The following SLC60A2 variants were observed in gnomAD, a reference collection of about 807,000 sequenced individuals.
SLC60A2 encodes the protein solute carrier family 60 member 2.
the SLC60A2 span, chr6:111,262,169 C>A: frequency 9.4e-7 from 1 of 1,068,660 alleles, no homozygotes; most frequent in East Asian, 2.6e-5. Context: ...CTCCGCCCCC[C>A]TTTTTTTTTA....
At chr6:111,260,356 G>A in the SLC60A2 span, among the ~76,000 whole-genome samples, 14 of 152,214 alleles carry the variant, frequency 9.2e-5, no homozygotes, top group African/African-American at 3.4e-4. Context: ...TCTTCCTGGT[G>A]ATCTGACCAA....
chr6:111,263,983 G>T, the SLC60A2 span: 5 of 1,082,250 alleles, frequency 4.6e-6, no homozygotes, highest in African/African-American at 6.2e-5. Context: ...TGGGAGTAGG[G>T]ACTTGCTAGA....
the SLC60A2 span, chr6:111,259,818 T>G: frequency 8.4e-5 from 98 of 1,166,190 alleles, no homozygotes; most frequent in East Asian, 2.8e-3. Flanking sequence ...TTACCTAATC[T>G]GACTGGGCCT....
the SLC60A2 span, among the ~76,000 whole-genome samples, chr6:111,275,692 G>A: frequency 6.6e-6 from 1 of 152,134 alleles, no homozygotes; most frequent in Non-Finnish European, 1.5e-5. Flanking sequence ...ACAGGTGTGA[G>A]CCACTGTGCC....
chr6:111,262,250 A>G, the SLC60A2 span: 1 of 1,604,204 alleles, frequency 6.2e-7, no homozygotes, highest in Non-Finnish European at 8.5e-7. Flanking sequence ...GTCTTTTTAA[A>G]TTTTAGGGAT....
chr6:111,266,018 C>T, the SLC60A2 span: 4 of 1,614,056 alleles, frequency 2.5e-6, no homozygotes, highest in Non-Finnish European at 3.4e-6. Flanking sequence ...CTGCTGAAAA[C>T]CACACAGAGT....
At chr6:111,259,358 C>A in the SLC60A2 span, 195,430 of 324,292 alleles carry the variant, frequency 0.6, 64,212 homozygotes, top group Non-Finnish European at 0.72. Flanking sequence ...GCGTCTTTTG[C>A]CACGAACACC....
At chr6:111,259,743 G>A in the SLC60A2 span, 3 of 1,576,822 alleles carry the variant, frequency 1.9e-6, no homozygotes, top group East Asian at 2.3e-5. Context: ...AGCCGGGGCT[G>A]CAACACTCCC....
At chr6:111,264,159 G>T in the SLC60A2 span, among the ~76,000 whole-genome samples, 6 of 152,190 alleles carry the variant, frequency 3.9e-5, no homozygotes, top group African/African-American at 1.2e-4. Context: ...TGAACTTAAA[G>T]AATTTTGTTC....
chr6:111,261,367 C>T, the SLC60A2 span, among the ~76,000 whole-genome samples: 1 of 152,190 alleles, frequency 6.6e-6, no homozygotes, highest in African/African-American at 2.4e-5. Flanking sequence ...GAACTCACTA[C>T]AGTCTCGACC....
At chr6:111,259,368 C>G in the SLC60A2 span, 10 of 345,852 alleles carry the variant, frequency 2.9e-5, no homozygotes, top group African/African-American at 1.7e-4. Flanking sequence ...CCACGAACAC[C>G]TGCGGCGTGC....
chr6:111,272,761 C>T, the SLC60A2 span, among the ~76,000 whole-genome samples: 1 of 151,960 alleles, frequency 6.6e-6, no homozygotes, highest in Non-Finnish European at 1.5e-5. Flanking sequence ...ATCCACCCAC[C>T]TTGACCTCTC....
chr6:111,265,218 G>T, the SLC60A2 span: 171 of 871,462 alleles, frequency 2.0e-4, no homozygotes, highest in Non-Finnish European at 2.3e-4. Flanking sequence ...GGTTAATTTT[G>T]TTATGAAATT....
chr6:111,266,566 C>T, the SLC60A2 span: 14 of 1,614,070 alleles, frequency 8.7e-6, no homozygotes, highest in Non-Finnish European at 1.1e-5. Flanking sequence ...TCAATGGCAA[C>T]CACATTTCCG....
chr6:111,274,870 A>T, the SLC60A2 span, among the ~76,000 whole-genome samples: 3 of 152,086 alleles, frequency 2.0e-5, no homozygotes, highest in Non-Finnish European at 1.5e-5. Context: ...TTTTAAAATT[A>T]TTTCAGAGAA....
the SLC60A2 span, among the ~76,000 whole-genome samples, chr6:111,271,774 C>CAAAAAAAAAAAAA: frequency 1.6e-4 from 1 of 6,274 alleles, no homozygotes; most frequent in Non-Finnish European, 3.6e-4. Flanking sequence ...CCCATCTCTA[C>CAAAAAAAAAAAAA]TAAAAAAAAA....
chr6:111,275,502 TG>T, the SLC60A2 span, among the ~76,000 whole-genome samples: 181 of 151,780 alleles, frequency 1.2e-3, no homozygotes, highest in African/African-American at 4.3e-3. Context: ...CTCCAGCTCC[TG>T]GGTTTAAGTG....
At chr6:111,260,332 A>G in the SLC60A2 span, among the ~76,000 whole-genome samples, 2 of 152,136 alleles carry the variant, frequency 1.3e-5, no homozygotes, top group Non-Finnish European at 2.9e-5. Context: ...CAGAAAAACT[A>G]CTTTTCTGGA....
chr6:111,273,037 G>A, the SLC60A2 span, among the ~76,000 whole-genome samples: 1 of 152,282 alleles, frequency 6.6e-6, no homozygotes, highest in Admixed American at 6.5e-5. Flanking sequence ...CACCATGTCA[G>A]CCAGGCTGGT....
Sources: gnomAD v4.1 joint callset for allele counts (sites outside exome capture counted in the v4.1 genomes callset) on GRCh38, gnomAD v4.1.1 for gene constraint, MANE v1.5 for transcripts, NCBI Gene and HGNC (gene_info 2026-07-23, HGNC 2026-07-21) for gene names.